ZNF423: variants seen among roughly 807,000 people sequenced by gnomAD.
ZNF423 encodes zinc finger protein 423.
A neutral mutation model predicts 95.8 loss-of-function variants in ZNF423; 12 were observed. The ratio of observed to expected loss-of-function variants is 0.13; its 90% CI spans 0.08 to 0.20. ZNF423 has a LOEUF of 0.20. Ranked by LOEUF, ZNF423 falls within the 10% of genes least tolerant of loss-of-function variation. The probability of loss-of-function intolerance (pLI) is 1.00; values close to 1 mark genes in which losing one functional copy is unlikely to be tolerated. For missense variants in ZNF423, 1,316 were observed against 1,737.1 expected, an observed-to-expected ratio of 0.76 and a Z score of 4.31; for synonymous variants, 749 against 711.9, an observed-to-expected ratio of 1.05 and a Z score of -0.83.
intron 7 of ZNF423, among the ~76,000 whole-genome samples, chr16:49,503,406 T>C (rs1173422414): frequency 2.0e-5 from 3 of 152,136 alleles, no homozygotes; most frequent in Non-Finnish European, 4.4e-5. Context: ...ACAGCCCAGA[T>C]GGCCCTCCAT....
intron 5 of ZNF423, among the ~76,000 whole-genome samples, chr16:49,625,717 G>T (rs1012772499): frequency 6.6e-6 from 1 of 152,226 alleles, no homozygotes; most frequent in African/African-American, 2.4e-5. Flanking sequence ...ATTTTCCAAA[G>T]TCCAAAACCA....
chr16:49,504,374 G>A (rs886362879), intron 7 of ZNF423, among the ~76,000 whole-genome samples: 15 of 152,228 alleles, frequency 9.9e-5, no homozygotes, highest in African/African-American at 2.7e-4. Context: ...TTGAGGCCAC[G>A]AGTTCGATAC....
At chr16:49,655,537 G>T (rs9972862) in intron 3 of ZNF423, among the ~76,000 whole-genome samples, 421 of 152,260 alleles carry the variant, frequency 2.8e-3, no homozygotes, top group African/African-American at 9.7e-3. Context: ...CCCCTTCCAC[G>T]TGGGGGCTGA....
chr16:49,632,770 T>C (rs1479321420), intron 4 of ZNF423, among the ~76,000 whole-genome samples: 2 of 152,132 alleles, frequency 1.3e-5, no homozygotes, highest in African/African-American at 4.8e-5. Context: ...ACCACTCACA[T>C]AGTAGGGGCT....
chr16:49,662,083 C>A (rs1421557797), intron 3 of ZNF423, among the ~76,000 whole-genome samples: 1 of 152,154 alleles, frequency 6.6e-6, no homozygotes, highest in Admixed American at 6.5e-5. Context: ...CACTGTGAGA[C>A]CCCCGCCCTT....
intron 3 of ZNF423, among the ~76,000 whole-genome samples, chr16:49,689,533 C>A (rs559392493): frequency 1.3e-5 from 2 of 152,122 alleles, no homozygotes; most frequent in African/African-American, 2.4e-5. Flanking sequence ...ACATTAAAAG[C>A]GTGCCCCACA....
intron 2 of ZNF423, among the ~76,000 whole-genome samples, chr16:49,738,387 A>G (rs1250357043): frequency 6.6e-6 from 1 of 152,156 alleles, no homozygotes; most frequent in African/African-American, 2.4e-5. Flanking sequence ...TAGCTCCAGT[A>G]CACCTCAGCC....
chr16:49,624,652 G>A (rs1264255028), intron 5 of ZNF423, among the ~76,000 whole-genome samples: 1 of 152,122 alleles, frequency 6.6e-6, no homozygotes, highest in Non-Finnish European at 1.5e-5. Context: ...GATAAAGAGT[G>A]GTTGGCATGC....
chr16:49,741,004 C>T (rs1157509910), intron 2 of ZNF423, among the ~76,000 whole-genome samples: 1 of 152,092 alleles, frequency 6.6e-6, no homozygotes, highest in Non-Finnish European at 1.5e-5. Context: ...ACTGAGGCTC[C>T]GATGGCTGAG....
intron 3 of ZNF423, among the ~76,000 whole-genome samples, chr16:49,719,421 CA>C (rs1416955566): frequency 6.6e-6 from 1 of 152,218 alleles, no homozygotes; most frequent in Non-Finnish European, 1.5e-5. Flanking sequence ...TACGTAGCTG[CA>C]TCCCTCTTTC....
chr16:49,510,924 C>T (rs959301929), intron 7 of ZNF423, among the ~76,000 whole-genome samples: 11 of 152,228 alleles, frequency 7.2e-5, no homozygotes, highest in Non-Finnish European at 1.3e-4. Context: ...GGCATGGTGC[C>T]CTCTAAAGTT....
intron 5 of ZNF423, among the ~76,000 whole-genome samples, chr16:49,575,115 C>T (rs529055251): frequency 1.2e-3 from 189 of 152,276 alleles, no homozygotes; most frequent in African/African-American, 4.5e-3. Flanking sequence ...CACACTGCAC[C>T]TTCGTAATGA....
chr16:49,575,702 C>T (rs1420680), intron 5 of ZNF423, among the ~76,000 whole-genome samples: 52,155 of 152,082 alleles, frequency 0.34, 9,346 homozygotes, highest in East Asian at 0.61. Context: ...CTGGGTGTCC[C>T]GACTTCCAAG....
At chr16:49,645,245 C>A (rs974594832) in intron 3 of ZNF423, among the ~76,000 whole-genome samples, 1 of 152,178 alleles carries the variant, frequency 6.6e-6, no homozygotes, top group African/African-American at 2.4e-5. Context: ...TCACTGTGGC[C>A]CTTCCCTAAG....
At chr16:49,761,531 A>G (rs2033833102) in intron 2 of ZNF423, among the ~76,000 whole-genome samples, 1 of 152,364 alleles carries the variant, frequency 6.6e-6, no homozygotes. Context: ...GCAAAGACTC[A>G]GCCCAACTGA....
chr16:49,692,675 T>A (rs78233425), intron 3 of ZNF423, among the ~76,000 whole-genome samples: 1 of 152,130 alleles, frequency 6.6e-6, no homozygotes, highest in African/African-American at 2.4e-5. Context: ...GAAGCTACAA[T>A]CCTGGGTGGA....
intron 1 of ZNF423, among the ~76,000 whole-genome samples, chr16:49,789,827 C>T (rs1482112355): frequency 2.0e-5 from 3 of 152,202 alleles, no homozygotes; most frequent in Non-Finnish European, 2.9e-5. Flanking sequence ...CTCAGCACTG[C>T]CTCAAGAAAC....
chr16:49,661,217 C>CAAA (rs397959711), intron 3 of ZNF423, among the ~76,000 whole-genome samples: 11 of 97,774 alleles, frequency 1.1e-4, no homozygotes, highest in African/African-American at 3.7e-4. Flanking sequence ...GACTTCATCT[C>CAAA]AAAAAAAAAA....
intron 3 of ZNF423, among the ~76,000 whole-genome samples, chr16:49,647,233 T>A (rs1463796127): frequency 6.6e-6 from 1 of 152,234 alleles, no homozygotes; most frequent in Non-Finnish European, 1.5e-5. Flanking sequence ...TGAGGCAAAG[T>A]CAGTGGTGGA....
Sources: allele counts gnomAD v4.1 joint callset (sites outside exome capture counted in the v4.1 genomes callset), GRCh38; gene constraint gnomAD v4.1.1; transcripts MANE v1.5; gene names NCBI Gene and HGNC (gene_info 2026-07-23, HGNC 2026-07-21).